SCAF4: variants seen among roughly 807,000 people sequenced by gnomAD.
SCAF4 encodes the protein SR-related and CTD-associated factor 4.
SCAF4 carries 25 observed loss-of-function variants against 129.8 expected under a neutral mutation model. The ratio of observed to expected loss-of-function variants is 0.19; its 90% CI spans 0.14 to 0.27. SCAF4 has a LOEUF of 0.27. SCAF4 is among the 10% of genes least tolerant of loss of function. SCAF4 has a pLI of 1.00. For synonymous variants in SCAF4, 551 were observed against 497.7 expected, an observed-to-expected ratio of 1.11 and a Z score of -1.43; for missense variants, 1,246 against 1,457.1, an observed-to-expected ratio of 0.86 and a Z score of 2.36.
chr21:31,728,463 C>A (rs1325024167), intron 1 of SCAF4, among the ~76,000 whole-genome samples: 1 of 152,148 alleles, frequency 6.6e-6, no homozygotes, highest in East Asian at 1.9e-4. Flanking sequence ...TCCCCTCATA[C>A]TATACAAAAT....
At position 31,696,587 on chromosome 21, in the gene SCAF4, G is replaced by A; in HGVS notation, c.941C>T (p.Pro314Leu). ...AACTAACAATGGTGCCTGTGGAGGAGGAGGAGAGGCAGCAGCGGGTGCAGC... is the reference window on the plus strand; with the variant it reads ...AACTAACAATGGTGCCTGTGGAGGAAGAGGAGAGGCAGCAGCGGGTGCAGC... ...AAAAPAAASP[P>L]PPQAPFGFPG... Residue 314 changes from proline to leucine, a missense_variant, in exon 8 of 20, where the codon CCT becomes CTT. Transcript: ENST00000286835. 1 of 1,610,052 alleles carries A rather than the reference G, an allele frequency of 6.2e-7. No individual in the cohort carries two copies. The highest frequency in any genetic ancestry group is 8.5e-7 in the Non-Finnish European group (1 of 1,177,704).
At chr21:31,694,740 G>T in intron 10 of SCAF4, 73 bp downstream of exon 10, 1 of 1,425,162 alleles carries the variant, frequency 7.0e-7, no homozygotes, top group Non-Finnish European at 9.9e-7. Flanking sequence ...AAGACAGCAA[G>T]CAAATAAGGA....
chr21:31,696,147 A>G lies in SCAF4; in HGVS notation c.1034T>C (p.Met345Thr). The G allele has an allele frequency of 2.5e-6, 4 of 1,613,932 alleles. No individual in the cohort carries two copies. The highest frequency in any genetic ancestry group is 3.4e-6 in the Non-Finnish European group (4 of 1,179,858). ...CATTGGATCCTGTTGTATTCCCATC[A>G]TTCGTGGCTGAAACTGATCCATATT... ...HQNMDQFQPRMMGIQQDPMHH... is the reference protein window; with the variant it reads ...HQNMDQFQPRTMGIQQDPMHH... The change falls in exon 9 of 20, where the codon ATG (methionine) becomes ACG (threonine). Residue 345 changes from methionine (M) to threonine (T), a missense_variant. This residue lies in a region of SCAF4 where 236 missense variants were observed against 210.0 expected (regional missense o/e 1.12). Coordinates refer to ENST00000286835, the MANE Select transcript of SCAF4 (RefSeq NM_020706.2).
chr21:31,675,085 A>C (rs1457732122), intron 19 of SCAF4, among the ~76,000 whole-genome samples: 1 of 152,182 alleles, frequency 6.6e-6, no homozygotes, highest in Non-Finnish European at 1.5e-5. Flanking sequence ...GCTTTTGAAA[A>C]GGCATATAGC....
rs1301787485 is a variant in SCAF4 at position 31,685,573 on chromosome 21, G to A, written c.2204C>T (p.Pro735Leu). 1 of 1,613,990 alleles carries A rather than the reference G, an allele frequency of 6.2e-7. No individual in the cohort carries two copies. The highest frequency in any genetic ancestry group is 1.3e-5 in the African/African-American group (1 of 74,912). ...LRPGFNPMHL[P>L]PGFLPPGPPP... is the part of the protein sequence containing the mutation. ...TCACAGACAATTTAGTGTACCTGGT[G>A]GTAAATGCATTGGGTTGAATCCTGG... is the stretch of plus-strand genomic sequence containing the variant. Residue 735 changes from proline (P) to leucine (L), a missense_variant, in exon 17 of 20, where the codon CCA (proline) becomes CTA (leucine). By Grantham distance (98) the Pro-to-Leu change is moderately conservative. Transcript: ENST00000286835.
chr21:31,698,953 G>A (rs1448881505), intron 7 of SCAF4, among the ~76,000 whole-genome samples: 1 of 151,996 alleles, frequency 6.6e-6, no homozygotes, highest in Admixed American at 6.6e-5. Context: ...TTCAATTACT[G>A]GTTCTGTTTC....
chr21:31,674,454 CTT>C (rs756542588), intron 19 of SCAF4, among the ~76,000 whole-genome samples: 5 of 152,164 alleles, frequency 3.3e-5, no homozygotes, highest in African/African-American at 4.8e-5. Context: ...CCTTTTAACC[CTT>C]TGAGAGCCAA....
rs745512105 is a variant in SCAF4, at chr21:31,700,978, ATG to A, written c.777+15_777+16del. 21 of 1,612,374 alleles carry A rather than the reference ATG, an allele frequency of 1.3e-5. No individual in the cohort carries two copies. The African/African-American group carries it at 2.5e-4, about 19-fold the overall frequency. On this transcript the variant is annotated intron_variant, in intron 7 of 19. Transcript: ENST00000286835. ...AGTGATATAAATGGTGGGGTGGGTTATGTGAGAGAAATATACCTTGTCAAATG... is the reference window on the plus strand; with the variant it reads ...AGTGATATAAATGGTGGGGTGGGTTATGAGAGAAATATACCTTGTCAAATG...
Position 31,731,700 on chromosome 21 carries a change from C to T in SCAF4, c.-8G>A, listed in dbSNP as rs750190191. On this transcript the variant is annotated 5_prime_UTR_variant, in exon 1 of 20. Coordinates refer to ENST00000286835, the MANE Select transcript of SCAF4 (RefSeq NM_020706.2). ...GGCGTTGACGGCGTCCATGTTCGCG[C>T]TGCGGCGGCGGCTGCTCCGGGCCCG... 2.5e-5 allele frequency: 39 copies of T among 1,582,024 alleles called. No individual in the cohort carries two copies. The highest frequency in any genetic ancestry group is 3.0e-5 in the Non-Finnish European group (35 of 1,170,090).
chr21:31,717,894 TACACATATATAC>T (rs1409606471), intron 1 of SCAF4, among the ~76,000 whole-genome samples: 40 of 107,382 alleles, frequency 3.7e-4, no homozygotes, highest in African/African-American at 1.4e-3. Flanking sequence ...TACACATATA[TACACATATATAC>T]ACACACACAC....
intron 1 of SCAF4, among the ~76,000 whole-genome samples, chr21:31,713,432 G>C (rs532604418): frequency 1.6e-4 from 25 of 152,272 alleles, no homozygotes; most frequent in Admixed American, 5.2e-4. Context: ...AAAGCACTTA[G>C]AGCAACACCT....
chr21:31,700,466 G>T (rs1158932252), intron 7 of SCAF4, among the ~76,000 whole-genome samples: 1 of 151,890 alleles, frequency 6.6e-6, no homozygotes, highest in African/African-American at 2.4e-5. Flanking sequence ...GTAGTGGAAT[G>T]GCTGAACTGT....
chr21:31,686,798 G>A (rs1029619215), intron 16 of SCAF4, among the ~76,000 whole-genome samples: 5 of 152,092 alleles, frequency 3.3e-5, no homozygotes, highest in South Asian at 2.1e-4. Flanking sequence ...GATCTAGCTT[G>A]TGCAGTTCTT....
intron 11 of SCAF4, among the ~76,000 whole-genome samples, 199 bp downstream of exon 11, chr21:31,694,005 A>G (rs568356858): frequency 5.3e-5 from 8 of 152,238 alleles, no homozygotes; most frequent in East Asian, 3.9e-4. Context: ...AAATATAGGG[A>G]AAAAAAGTAA....
chr21:31,704,279 T>C (rs1248500134), intron 3 of SCAF4, among the ~76,000 whole-genome samples: 2 of 152,100 alleles, frequency 1.3e-5, no homozygotes, highest in South Asian at 2.1e-4. Flanking sequence ...AAAAAGGTAA[T>C]TTTTATCTTT....
At chr21:31,706,563 A>G (rs1301563719) in intron 1 of SCAF4, 4 of 546,690 alleles carry the variant, frequency 7.3e-6, no homozygotes, top group African/African-American at 3.8e-5. Context: ...ACCCAAGAAG[A>G]AGGTTAGCTC....
At chr21:31,692,306 T>G in intron 13 of SCAF4, 43 bp downstream of exon 13, 1 of 1,440,682 alleles carries the variant, frequency 6.9e-7, no homozygotes, top group Non-Finnish European at 9.8e-7. Flanking sequence ...ATGACATTAA[T>G]CACACCTGTC....
chr21:31,695,022 A>G, intron 9 of SCAF4, 42 bp from the exon 10 acceptor site: 2 of 1,534,138 alleles, frequency 1.3e-6, no homozygotes, highest in South Asian at 1.2e-5. Context: ...AGCTATCAAA[A>G]TAATTTGGAA....
chr21:31,681,134 GA>G (rs2049985047), intron 19 of SCAF4, among the ~76,000 whole-genome samples: 1 of 152,160 alleles, frequency 6.6e-6, no homozygotes, highest in Non-Finnish European at 1.5e-5. Flanking sequence ...TTACAAGTAG[GA>G]AGTGATCTTA....
Sources: gnomAD v4.1 joint callset for allele counts (sites outside exome capture counted in the v4.1 genomes callset) on GRCh38, gnomAD v4.1.1 for gene constraint, gnomAD v4.1.1 regional missense constraint, MANE v1.5 for transcripts, NCBI Gene and HGNC (gene_info 2026-07-23, HGNC 2026-07-21) for gene names.